Variants in CPEB3 observed in about 807,000 individuals in gnomAD.
CPEB3 encodes cytoplasmic polyadenylation element binding protein 3, also known as cytoplasmic polyadenylation element-binding protein 3.
CPEB3 carries 20 observed loss-of-function variants against 67.2 expected under a neutral mutation model. The ratio of observed to expected loss-of-function variants is 0.30; its 90% CI spans 0.21 to 0.43. The LOEUF (loss-of-function observed/expected upper bound fraction) is 0.43, where lower values mean the gene tolerates loss of function less well. Ranked by LOEUF, CPEB3 falls within the 20% of genes least tolerant of loss-of-function variation. The pLI is 1.00. For missense variants in CPEB3, 746 were observed against 968.6 expected (o/e 0.77, Z 3.05); for synonymous variants, 376 against 393.1 (o/e 0.96, Z 0.51).
At chr10:92,196,975 C>T (rs1849272964) in intron 2 of CPEB3, among the ~76,000 whole-genome samples, 1 of 151,712 alleles carries the variant, frequency 6.6e-6, no homozygotes, top group Non-Finnish European at 1.5e-5. Flanking sequence ...TTCATGGTTT[C>T]TTCAGTACTA....
At chr10:92,096,033 ATT>A (rs11335065) in intron 7 of CPEB3, among the ~76,000 whole-genome samples, 1,790 of 102,590 alleles carry the variant, frequency 0.017, 22 homozygotes, top group Non-Finnish European at 0.02. Flanking sequence ...CACCTGGCTG[ATT>A]TTTTTTTTTT....
chr10:92,069,636 C>A (rs564021040), intron 9 of CPEB3, among the ~76,000 whole-genome samples: 25 of 152,296 alleles, frequency 1.6e-4, no homozygotes, highest in Admixed American at 1.3e-3. Context: ...AACTCCTGAC[C>A]TCAAATGATC....
intron 1 of CPEB3, among the ~76,000 whole-genome samples, chr10:92,287,855 C>T (rs1196589595): frequency 6.6e-6 from 1 of 152,128 alleles, no homozygotes; most frequent in Non-Finnish European, 1.5e-5. Context: ...TAAGGAACCT[C>T]ATACTCATTA....
chr10:92,125,695 A>G (rs1845581023), intron 6 of CPEB3, among the ~76,000 whole-genome samples: 1 of 151,688 alleles, frequency 6.6e-6, no homozygotes, highest in African/African-American at 2.4e-5. Context: ...TAGTGGCCAC[A>G]TTCACAGCTA....
intron 7 of CPEB3, among the ~76,000 whole-genome samples, chr10:92,109,291 C>T (rs1844616245): frequency 6.6e-6 from 1 of 150,452 alleles, no homozygotes; most frequent in Admixed American, 6.6e-5. Flanking sequence ...CTCACTCTGT[C>T]GCCCAGGTTG....
chr10:92,290,688 T>C (rs535730005), intron 1 of CPEB3, among the ~76,000 whole-genome samples: 1 of 151,948 alleles, frequency 6.6e-6, no homozygotes, highest in Non-Finnish European at 1.5e-5. Context: ...AACCGACCCC[T>C]CGCGGAGGTG....
chr10:92,233,307 G>C (rs1267221956), intron 2 of CPEB3, among the ~76,000 whole-genome samples: 1 of 151,940 alleles, frequency 6.6e-6, no homozygotes. Context: ...GGCTGGCAGA[G>C]AACTCGAGGT....
At chr10:92,250,824 G>A (rs1484085742) in intron 1 of CPEB3, among the ~76,000 whole-genome samples, 1 of 151,232 alleles carries the variant, frequency 6.6e-6, no homozygotes, top group African/African-American at 2.4e-5. Context: ...CAAGTAGCTG[G>A]GACTACAGGC....
chr10:92,250,001 AAC>A (rs898515983), intron 1 of CPEB3, among the ~76,000 whole-genome samples: 4 of 149,798 alleles, frequency 2.7e-5, no homozygotes, highest in African/African-American at 9.7e-5. Context: ...CAGCCTGGAC[AAC>A]AGAGTGAGAC....
intron 3 of CPEB3, among the ~76,000 whole-genome samples, chr10:92,188,794 G>T (rs898297734): frequency 1.3e-5 from 2 of 152,170 alleles, no homozygotes; most frequent in East Asian, 3.8e-4. Flanking sequence ...TCTGATTAAT[G>T]CTATAGAAGA....
intron 2 of CPEB3, among the ~76,000 whole-genome samples, chr10:92,234,002 G>A (rs1590473154): frequency 6.6e-6 from 1 of 151,642 alleles, no homozygotes; most frequent in South Asian, 2.1e-4. Flanking sequence ...AGCTACTTGG[G>A]AGGCTGAGGC....
rs113971658 is a variant in CPEB3, at chr10:92,099,691, T to TAA, written c.1573-7749_1573-7748dup. On this transcript the variant is annotated intron_variant, in intron 7 of 9. Transcript: ENST00000265997. ...CAACATGGTGAAACCCCATTTCTAC[T>TAA]AAAAAAAAAAAAAATACAAAAAATT... Among the ~76,000 whole-genome samples, 386 of 138,942 alleles carry TAA rather than the reference T, an allele frequency of 2.8e-3. 2 individuals carry two copies. The highest frequency in any genetic ancestry group is 3.9e-3 in the African/African-American group (148 of 37,578). The allele number at this position is 138,942 out of a possible 152,430, so 91.2% of individuals were successfully genotyped here.
At chr10:92,212,501 G>A (rs1213525135) in intron 2 of CPEB3, among the ~76,000 whole-genome samples, 4 of 151,902 alleles carry the variant, frequency 2.6e-5, no homozygotes, top group Non-Finnish European at 5.9e-5. Context: ...CACTCACCTC[G>A]GTCTCCCAAA....
intron 1 of CPEB3, among the ~76,000 whole-genome samples, chr10:92,284,495 C>T (rs192671309): frequency 3.9e-5 from 6 of 152,234 alleles, no homozygotes; most frequent in African/African-American, 7.2e-5. Flanking sequence ...GATCTCCTTT[C>T]TGTTTCAGTT....
At chr10:92,109,130 C>A (rs1159075496) in intron 7 of CPEB3, among the ~76,000 whole-genome samples, 1 of 152,198 alleles carries the variant, frequency 6.6e-6, no homozygotes, top group East Asian at 1.9e-4. Flanking sequence ...TCCTCTCCTA[C>A]AGTGTGTGAC....
At chr10:92,100,549 T>C (rs1271979490) in intron 7 of CPEB3, among the ~76,000 whole-genome samples, 2 of 152,200 alleles carry the variant, frequency 1.3e-5, no homozygotes, top group African/African-American at 4.8e-5. Context: ...GTGCTGGGAT[T>C]ACAGGCATGA....
chr10:92,277,114 G>A (rs1842026363), intron 1 of CPEB3, among the ~76,000 whole-genome samples: 1 of 151,874 alleles, frequency 6.6e-6, no homozygotes, highest in Admixed American at 6.6e-5. Context: ...CCACTTCTTA[G>A]TATTATCCTT....
intron 9 of CPEB3, among the ~76,000 whole-genome samples, chr10:92,077,244 C>T (rs1447935427): frequency 1.2e-4 from 19 of 152,090 alleles, no homozygotes; most frequent in Admixed American, 1.2e-3. Context: ...AAAAATAAAA[C>T]CATGAATGAA....
At chr10:92,065,413 G>T (rs528787028) in intron 9 of CPEB3, among the ~76,000 whole-genome samples, 1 of 152,140 alleles carries the variant, frequency 6.6e-6, no homozygotes, top group South Asian at 2.1e-4. Flanking sequence ...TAGAGATGGG[G>T]TTTCACCATG....
Sources: allele counts gnomAD v4.1 joint callset (sites outside exome capture counted in the v4.1 genomes callset), GRCh38; gene constraint gnomAD v4.1.1; transcripts MANE v1.5; gene names NCBI Gene and HGNC (gene_info 2026-07-23, HGNC 2026-07-21).